The following PTPRN2 variants were observed in gnomAD, a reference collection of about 807,000 sequenced individuals.
The protein encoded by PTPRN2 is protein tyrosine phosphatase receptor type N2.
PTPRN2 carries 74 observed loss-of-function variants against 118.8 expected under a neutral mutation model. The ratio of observed to expected loss-of-function variants is 0.62; its 90% CI spans 0.52 to 0.76. The LOEUF is 0.76. PTPRN2 is among the 30% of genes least tolerant of loss of function. The probability of loss-of-function intolerance (pLI) is 0.00; values close to 1 mark genes in which losing one functional copy is unlikely to be tolerated. For synonymous variants in PTPRN2, 641 were observed against 608.0 expected (o/e 1.05, Z -0.80); for missense variants, 1,481 against 1,394.4 (o/e 1.06, Z -0.99).
At chr7:158,225,975 C>T (rs1828741425) in intron 3 of PTPRN2, among the ~76,000 whole-genome samples, 1 of 152,066 alleles carries the variant, frequency 6.6e-6, no homozygotes. Context: ...ACCGGTGCAT[C>T]TGTGCACAGT....
At chr7:158,321,866 C>A (rs192610856) in intron 2 of PTPRN2, among the ~76,000 whole-genome samples, 2 of 152,328 alleles carry the variant, frequency 1.3e-5, no homozygotes, top group South Asian at 4.1e-4. Flanking sequence ...TAAGCACAGC[C>A]GCTAACGTGT....
In PTPRN2 at chr7:158,555,405, G is replaced by A. The variant is rs539486687; in HGVS notation, c.112+32153C>T. On this transcript the variant is annotated intron_variant, in intron 1 of 22. Transcript: ENST00000389418. The surrounding 1 kb of genome is among the most constrained non-coding windows in gnomAD (Gnocchi z 4.7). ...CATCCACGGCTCAGTGGTGCCCCTC[G>A]CCCCCACCGCTCTGCCCTGCCTTCC... Among the ~76,000 whole-genome samples the A allele has an allele frequency of 3.9e-5, 6 of 151,976 alleles. No individual in the cohort carries two copies. The highest frequency in any genetic ancestry group is 1.4e-4 in the African/African-American group (6 of 41,380).
Position 158,411,700 on chromosome 7 carries a change from G to A in PTPRN2, c.163+78035C>T, listed in dbSNP as rs549023637. Among the ~76,000 whole-genome samples, 75 of 152,336 alleles carry A rather than the reference G, an allele frequency of 4.9e-4. 2 individuals are homozygous for A. In the South Asian group the frequency reaches 0.015, roughly 31 times the overall value. On this transcript the variant is annotated intron_variant, in intron 2 of 22. Coordinates refer to ENST00000389418, the MANE Select transcript of PTPRN2 (RefSeq NM_002847.5). ...CAACCAACGCCAATGGAGGTGGAAG[G>A]CGCCGCCCCGCGGCACTCACACCCG...
chr7:157,685,668 G>C lies in PTPRN2; in HGVS notation c.1789-2731C>G, dbSNP rs1585236248. Among the ~76,000 whole-genome samples the C allele has an allele frequency of 2.0e-5, 3 of 152,312 alleles. No individual in the cohort carries two copies. The East Asian group carries it at 5.8e-4, about 29-fold the overall frequency. ...GTCGCCGGGACCCTCGACACGCTCC[G>C]CACGCGCGGGAGCGGAACCGGGCCT... On this transcript the variant is annotated intron_variant, in intron 12 of 22. Transcript: ENST00000389418.
At chr7:157,656,741 C>T (rs570338335) in intron 13 of PTPRN2, among the ~76,000 whole-genome samples, 190 bp from the exon 14 acceptor site, 3 of 152,176 alleles carry the variant, frequency 2.0e-5, no homozygotes, top group South Asian at 2.1e-4. Flanking sequence ...GCGCCCAGCA[C>T]GGTGACCCGA....
intron 11 of PTPRN2, among the ~76,000 whole-genome samples, chr7:158,067,771 G>T (rs918735535): frequency 6.6e-6 from 1 of 152,078 alleles, no homozygotes; most frequent in African/African-American, 2.4e-5. Flanking sequence ...AGCACACCGG[G>T]TCAGGCCGGG....
At chr7:157,804,004 T>C (rs1246929512) in intron 12 of PTPRN2, among the ~76,000 whole-genome samples, 3 of 152,232 alleles carry the variant, frequency 2.0e-5, no homozygotes, top group Non-Finnish European at 4.4e-5. Flanking sequence ...CTATTGAAAT[T>C]ATTTAGTAGA....
In PTPRN2 at chr7:157,751,683, T is replaced by C. The variant is rs567024757; in HGVS notation, c.1789-68746A>G. ...GTTACTCTGCACCGCTGACACGCGG[T>C]GGAAAGCCCGACATCACTTGGAGAA... On this transcript the variant is annotated intron_variant, in intron 12 of 22. Coordinates refer to ENST00000389418, the MANE Select transcript of PTPRN2 (RefSeq NM_002847.5). Among the ~76,000 whole-genome samples, 133 of 152,038 alleles carry C rather than the reference T, an allele frequency of 8.7e-4. 1 individual carries two copies. The highest frequency in any genetic ancestry group is 3.1e-3 in the African/African-American group (129 of 41,470).
At chr7:157,640,223 C>A (rs138397523) in intron 14 of PTPRN2, among the ~76,000 whole-genome samples, 2 of 152,132 alleles carry the variant, frequency 1.3e-5, no homozygotes, top group Non-Finnish European at 2.9e-5. Context: ...AAGAACAACC[C>A]AGCAGGTTGA....
At chr7:158,455,779 T>G (rs79608275) in intron 2 of PTPRN2, among the ~76,000 whole-genome samples, 2 of 113,896 alleles carry the variant, frequency 1.8e-5, no homozygotes, top group Admixed American at 8.8e-5. Context: ...CCATCGGCCA[T>G]GGCCACCCAT....
chr7:158,569,712 G>A (rs1388902456), intron 1 of PTPRN2, among the ~76,000 whole-genome samples: 1 of 143,626 alleles, frequency 7.0e-6, no homozygotes, highest in Admixed American at 6.9e-5. Context: ...AGGAACGCGG[G>A]GCGCGAGGCC....
intron 3 of PTPRN2, among the ~76,000 whole-genome samples, chr7:158,262,340 C>T (rs1563053583): frequency 6.7e-6 from 1 of 148,740 alleles, no homozygotes; most frequent in Non-Finnish European, 1.5e-5. Flanking sequence ...ACACTGCACA[C>T]ATATTCACAC....
intron 1 of PTPRN2, among the ~76,000 whole-genome samples, chr7:158,533,391 C>T (rs765573779): frequency 9.9e-5 from 15 of 152,256 alleles, no homozygotes; most frequent in Non-Finnish European, 2.2e-4. Context: ...CTAGGACCCT[C>T]CGCATCTGGC....
chr7:157,656,885 C>T (rs73516820), intron 13 of PTPRN2, among the ~76,000 whole-genome samples: 41,959 of 139,288 alleles, frequency 0.3, 6,609 homozygotes, highest in African/African-American at 0.37. Context: ...ACACATACAC[C>T]ACACACACCA....
intron 17 of PTPRN2, among the ~76,000 whole-genome samples, chr7:157,586,979 G>C (rs1354988705): frequency 6.6e-6 from 1 of 152,228 alleles, no homozygotes; most frequent in Non-Finnish European, 1.5e-5. Flanking sequence ...AGGTTTGGTT[G>C]CTGGTGGTGC....
chr7:157,919,810 A>G (rs6459816), intron 11 of PTPRN2, among the ~76,000 whole-genome samples: 104,379 of 152,120 alleles, frequency 0.69, 36,800 homozygotes, highest in Admixed American at 0.79. Context: ...GATGAACCAC[A>G]TACACCCACA....
intron 11 of PTPRN2, among the ~76,000 whole-genome samples, chr7:157,981,683 C>T (rs1479128042): frequency 6.6e-6 from 1 of 152,162 alleles, no homozygotes; most frequent in Non-Finnish European, 1.5e-5. Flanking sequence ...TGGCTCATAA[C>T]CTACATCTAT....
At chr7:158,238,380 C>T (rs896227919) in intron 3 of PTPRN2, among the ~76,000 whole-genome samples, 4 of 152,002 alleles carry the variant, frequency 2.6e-5, no homozygotes, top group African/African-American at 9.7e-5. Context: ...TGGGTGGCAC[C>T]AAAAGCACAG....
intron 3 of PTPRN2, among the ~76,000 whole-genome samples, chr7:158,290,988 A>G (rs999850676): frequency 1.3e-5 from 2 of 152,218 alleles, no homozygotes; most frequent in African/African-American, 4.8e-5. Flanking sequence ...AAGTCAGCAG[A>G]TAAAATGTGG....
Sources: gnomAD v4.1 joint callset for allele counts (sites outside exome capture counted in the v4.1 genomes callset) on GRCh38, gnomAD v4.1.1 for gene constraint, Gnocchi (gnomAD v3.1) non-coding constraint, MANE v1.5 for transcripts, NCBI Gene and HGNC (gene_info 2026-07-23, HGNC 2026-07-21) for gene names.